The following STK39 variants were observed in gnomAD, a reference collection of about 807,000 sequenced individuals.
STK39 encodes the protein serine/threonine kinase 39, also known as STE20/SPS1-related proline-alanine-rich protein kinase.
A neutral mutation model predicts 77.8 loss-of-function variants in STK39; 20 were observed. That is an observed-to-expected ratio of 0.26 (90% confidence interval 0.18 to 0.37). The LOEUF (loss-of-function observed/expected upper bound fraction) is 0.37, where lower values mean the gene tolerates loss of function less well. Ranked by LOEUF, STK39 falls within the 10% of genes least tolerant of loss-of-function variation. STK39 has a pLI of 1.00. For synonymous variants in STK39, 246 were observed against 234.1 expected (o/e 1.05, Z -0.47); for missense variants, 479 against 656.5 (o/e 0.73, Z 2.95).
intron 1 of STK39, among the ~76,000 whole-genome samples, chr2:168,222,966 T>C (rs1331203152): frequency 6.6e-6 from 1 of 152,212 alleles, no homozygotes; most frequent in Non-Finnish European, 1.5e-5. Context: ...TAACTGCTAT[T>C]ATCATAATCA....
intron 10 of STK39, 110 bp downstream of exon 10, chr2:168,129,431 C>T (rs1191642454): frequency 6.8e-6 from 8 of 1,174,048 alleles, no homozygotes; most frequent in East Asian, 2.4e-5. Context: ...TGAGATATAG[C>T]GTCTGAATAG....
chr2:168,112,978 A>G (rs1418551436), intron 10 of STK39: 1 of 152,218 alleles, frequency 6.6e-6, no homozygotes, highest in Non-Finnish European at 1.5e-5. Context: ...CAAATAGGGT[A>G]TCTTCCAGTT....
Position 168,159,710 on chromosome 2 carries a change from C to T in STK39, c.628+2077G>A, listed in dbSNP as rs576433534. 1.7e-3 allele frequency among the ~76,000 whole-genome samples: 257 copies of T among 152,250 alleles called. 1 individual carries two copies. The highest frequency in any genetic ancestry group is 5.7e-3 in the African/African-American group (235 of 41,540). On this transcript the variant is annotated intron_variant, in intron 5 of 17. Coordinates refer to ENST00000355999, the MANE Select transcript of STK39 (RefSeq NM_013233.3). ...GTACATTTAGGTGCCTGTCAAGCAG[C>T]CACCATACATCTGGGAAATGGCCAT...
chr2:168,137,994 T>C, intron 8 of STK39, 94 bp downstream of exon 8: 1 of 1,481,256 alleles, frequency 6.8e-7, no homozygotes, highest in Non-Finnish European at 9.0e-7. Context: ...AGAAATACCT[T>C]TCCAGTGTCC....
chr2:167,960,992 C>G (rs1691940846), intron 17 of STK39, among the ~76,000 whole-genome samples: 1 of 152,166 alleles, frequency 6.6e-6, no homozygotes, highest in Non-Finnish European at 1.5e-5. Context: ...ATCCAGTTCC[C>G]AAGGGAAGCT....
chr2:168,031,408 A>T (rs556081149), intron 14 of STK39, among the ~76,000 whole-genome samples: 3 of 152,274 alleles, frequency 2.0e-5, no homozygotes, highest in South Asian at 4.1e-4. Flanking sequence ...CTGCCCACAC[A>T]ACTCTTATTA....
chr2:168,172,573 T>A (rs1440150804), intron 2 of STK39, among the ~76,000 whole-genome samples: 1 of 152,310 alleles, frequency 6.6e-6, no homozygotes. Context: ...AGTTTAAAGA[T>A]ATAAGAATTA....
At chr2:168,238,537 C>T (rs1402945593) in intron 1 of STK39, among the ~76,000 whole-genome samples, 2 of 152,190 alleles carry the variant, frequency 1.3e-5, no homozygotes, top group Admixed American at 6.5e-5. Flanking sequence ...TCAAAATACA[C>T]AATCAGTTTA....
intron 16 of STK39, among the ~76,000 whole-genome samples, chr2:167,987,333 G>A (rs939328596): frequency 1.4e-4 from 22 of 152,098 alleles, no homozygotes; most frequent in Admixed American, 1.3e-3. Flanking sequence ...TGAGAAAAGC[G>A]AGGATGCATA....
chr2:168,075,898 G>A (rs905153890), intron 10 of STK39, among the ~76,000 whole-genome samples: 3 of 152,156 alleles, frequency 2.0e-5, no homozygotes, highest in Non-Finnish European at 4.4e-5. Flanking sequence ...CCATGCTAGT[G>A]TCTAGATTAT....
chr2:167,956,714 TC>T (rs1559032353), intron 17 of STK39, among the ~76,000 whole-genome samples: 17 of 48,130 alleles, frequency 3.5e-4, no homozygotes, highest in African/African-American at 1.5e-3. Flanking sequence ...TCTCTCTCTC[TC>T]TCTCTCTCTC....
At chr2:168,049,299 T>C (rs893724714) in intron 14 of STK39, among the ~76,000 whole-genome samples, 4 of 152,170 alleles carry the variant, frequency 2.6e-5, no homozygotes, top group African/African-American at 9.7e-5. Flanking sequence ...GATTTCTGAG[T>C]GAACAAAAGT....
At chr2:168,004,425 T>G (rs1684071615) in intron 16 of STK39, among the ~76,000 whole-genome samples, 1 of 152,076 alleles carries the variant, frequency 6.6e-6, no homozygotes, top group Non-Finnish European at 1.5e-5. Context: ...CAAAGATTAT[T>G]ATAAGCATAA....
intron 5 of STK39, among the ~76,000 whole-genome samples, chr2:168,149,686 G>C (rs943054321): frequency 1.3e-5 from 2 of 151,762 alleles, no homozygotes; most frequent in African/African-American, 4.9e-5. Flanking sequence ...AAAGGACTTG[G>C]TAAAAAATTA....
At chr2:168,074,063 A>T (rs1686012148) in intron 12 of STK39, among the ~76,000 whole-genome samples, 1 of 152,174 alleles carries the variant, frequency 6.6e-6, no homozygotes, top group African/African-American at 2.4e-5. Flanking sequence ...TGCAAGATGG[A>T]GAGAGAAGGA....
intron 1 of STK39, among the ~76,000 whole-genome samples, chr2:168,225,690 AACAAAGAAAGTACATTAGATCAGGATT>A (rs1690286420): frequency 6.6e-6 from 1 of 152,210 alleles, no homozygotes; most frequent in African/African-American, 2.4e-5. Flanking sequence ...TATATATTTT[AACAAAGAAAGTACATTAGATCAGGATT>A]ACATTTTGCT....
chr2:168,086,631 A>G (rs1388216762), intron 10 of STK39, among the ~76,000 whole-genome samples: 1 of 152,246 alleles, frequency 6.6e-6, no homozygotes, highest in Non-Finnish European at 1.5e-5. Context: ...AATAATGATA[A>G]TTAAAAATAC....
chr2:168,182,138 G>A (rs199614083), intron 1 of STK39, 48 bp from the exon 2 acceptor site: 10 of 1,480,272 alleles, frequency 6.8e-6, no homozygotes, highest in Non-Finnish European at 9.4e-6. Context: ...CACACTGTGA[G>A]GTTACTATCT....
chr2:168,023,420 C>T (rs114871963), intron 14 of STK39, among the ~76,000 whole-genome samples: 61 of 152,228 alleles, frequency 4.0e-4, no homozygotes, highest in African/African-American at 1.4e-3. Context: ...ATGCAGAACA[C>T]GAACGGACAC....
Sources: allele counts gnomAD v4.1 joint callset (sites outside exome capture counted in the v4.1 genomes callset), GRCh38; gene constraint gnomAD v4.1.1; transcripts MANE v1.5; gene names NCBI Gene and HGNC (gene_info 2026-07-23, HGNC 2026-07-21).